The following ICA1L variants were observed in gnomAD, a reference collection of about 807,000 sequenced individuals.
The protein encoded by ICA1L is islet cell autoantigen 1 like, also known as islet cell autoantigen 1-like protein.
In ICA1L, 50 loss-of-function variants were observed where a neutral mutation model predicts 61.3. The ratio of observed to expected loss-of-function variants is 0.82; its 90% CI spans 0.65 to 1.03. ICA1L has a LOEUF of 1.03. ICA1L is among the 50% of genes least tolerant of loss of function. The pLI, the probability that ICA1L is intolerant of heterozygous loss-of-function variation, is 0.00. For synonymous variants in ICA1L, 161 were observed against 191.3 expected (o/e 0.84, Z 1.31); for missense variants, 508 against 556.7 (o/e 0.91, Z 0.88).
chr2:202,868,003 C>G (rs1199735693), intron 1 of ICA1L, among the ~76,000 whole-genome samples: 1 of 152,070 alleles, frequency 6.6e-6, no homozygotes, highest in Admixed American at 6.6e-5. Flanking sequence ...CACTCAGCAA[C>G]AGAAAAACTA....
chr2:202,789,102 T>TGC lies in ICA1L; in HGVS notation c.986-16_986-15insGC. ...ATCTTTTGCAACTATTGAGTGTAAA[T>TGC]AAAAACAGAAAGGCTTTTTTGATTT... On this transcript the variant is annotated splice_polypyrimidine_tract_variant and intron_variant, in intron 10 of 12. Transcript: ENST00000358299. The TGC allele has an allele frequency of 6.3e-7, 1 of 1,584,566 alleles. No individual in the cohort carries two copies. The highest frequency in any genetic ancestry group is 8.5e-7 in the Non-Finnish European group (1 of 1,169,780).
chr2:202,857,655 C>T (rs1045527056), intron 1 of ICA1L, among the ~76,000 whole-genome samples: 5 of 152,086 alleles, frequency 3.3e-5, no homozygotes, highest in Admixed American at 1.3e-4. Context: ...AGCTTCTGCA[C>T]AGCAAAAGAA....
intron 12 of ICA1L, among the ~76,000 whole-genome samples, chr2:202,780,011 T>C (rs1008916593): frequency 6.6e-6 from 1 of 152,082 alleles, no homozygotes; most frequent in Admixed American, 6.6e-5. Flanking sequence ...TTTAAATAAT[T>C]GTATGCTGCT....
chr2:202,803,104 T>A (rs1693127455), intron 9 of ICA1L, among the ~76,000 whole-genome samples: 1 of 151,768 alleles, frequency 6.6e-6, no homozygotes, highest in African/African-American at 2.4e-5. Flanking sequence ...GAGATGTATC[T>A]CAGTTATAAG....
intron 10 of ICA1L, among the ~76,000 whole-genome samples, chr2:202,792,724 T>G (rs1166451148): frequency 1.3e-5 from 2 of 152,008 alleles, no homozygotes; most frequent in African/African-American, 4.8e-5. Context: ...GAGAATCACT[T>G]GAACCCAGAA....
chr2:202,836,853 A>AT (rs989128748), intron 1 of ICA1L, among the ~76,000 whole-genome samples: 1 of 150,966 alleles, frequency 6.6e-6, no homozygotes. Flanking sequence ...AGATATAGAT[A>AT]TTTTTTTAGA....
At chr2:202,781,639 C>T (rs1692409802) in intron 12 of ICA1L, among the ~76,000 whole-genome samples, 2 of 151,942 alleles carry the variant, frequency 1.3e-5, no homozygotes, top group Non-Finnish European at 2.9e-5. Context: ...GACACCCTTC[C>T]AGTCACTATT....
intron 1 of ICA1L, among the ~76,000 whole-genome samples, chr2:202,857,373 G>C (rs1694795065): frequency 6.6e-6 from 1 of 152,108 alleles, no homozygotes; most frequent in Non-Finnish European, 1.5e-5. Context: ...CAAGCAATGG[G>C]GAAAGGAGTC....
chr2:202,871,270 C>G (rs1341802769), intron 1 of ICA1L: 1 of 152,222 alleles, frequency 6.6e-6, no homozygotes, highest in Non-Finnish European at 1.5e-5. Flanking sequence ...CAAACGAGCC[C>G]CAGGCTGCCG....
rs1453403738 is a variant in ICA1L, at chr2:202,815,942, C to A, written c.752G>T (p.Gly251Val). The change falls in exon 7 of 13, where the codon GGC (glycine) becomes GTC (valine). Residue 251 changes from glycine (G) to valine (V), a missense_variant. Coordinates refer to ENST00000358299, the MANE Select transcript of ICA1L (RefSeq NM_001288622.3). ...AGCTACAAAATCATACGGATGAAAG[C>A]CAATACAGGCTTCATGAATTTGGGA... The part of the protein sequence containing the change: ...MMSQIHEACI[G>V]FHPYDFVALK... The A allele has an allele frequency of 6.2e-7, 1 of 1,601,112 alleles. No homozygotes were observed. Among genetic ancestry groups the A allele is most frequent in the South Asian group, 1.1e-5 (1 of 88,882 alleles).
intron 1 of ICA1L, among the ~76,000 whole-genome samples, chr2:202,853,769 A>T (rs979927466): frequency 3.3e-5 from 5 of 152,186 alleles, no homozygotes; most frequent in African/African-American, 1.2e-4. Flanking sequence ...TTTTCAACCC[A>T]GAATTTCATA....
At position 202,786,875 on chromosome 2, in the gene ICA1L, C is replaced by G. The variant is rs1376497996; in HGVS notation, c.1244-868G>C. The G allele has an allele frequency of 1.1e-5, 4 of 368,420 alleles. No homozygotes were observed. The Admixed American group carries it at 1.4e-4, about 13-fold the overall frequency. 22.8% of individuals were successfully genotyped at this position (368,420 alleles called of 1,614,324 possible). A position where few individuals can be genotyped will look rare whatever the true frequency, so the allele number is the denominator to read the frequency against. On this transcript the variant is annotated intron_variant, in intron 11 of 12. Coordinates refer to ENST00000358299, the MANE Select transcript of ICA1L (RefSeq NM_001288622.3). ...TAATTAAAATGTCATTATGAATACT[C>G]TATGGGAATGTGGAGAAATGTTTGC...
chr2:202,814,096 A>C (rs1490423273), intron 8 of ICA1L, among the ~76,000 whole-genome samples: 1 of 152,166 alleles, frequency 6.6e-6, no homozygotes, highest in Non-Finnish European at 1.5e-5. Flanking sequence ...ATTAAGGAAA[A>C]AATGGAAAAA....
intron 2 of ICA1L, 26 bp from the exon 3 acceptor site, chr2:202,825,793 A>C (rs765969871): frequency 2.1e-5 from 30 of 1,420,040 alleles, no homozygotes; most frequent in Non-Finnish European, 2.9e-5. Context: ...TTATTAGGAC[A>C]ATTTAAAGAA....
intron 10 of ICA1L, 27 bp from the exon 11 acceptor site, chr2:202,789,114 G>C: frequency 6.4e-7 from 1 of 1,570,100 alleles, no homozygotes; most frequent in South Asian, 1.2e-5. Flanking sequence ...AAAACAGAAA[G>C]GCTTTTTTGA....
At chr2:202,828,809 T>C in intron 2 of ICA1L, 39 bp downstream of exon 2, 1 of 1,559,764 alleles carries the variant, frequency 6.4e-7, no homozygotes, top group Non-Finnish European at 8.8e-7. Context: ...CCCCAAATAA[T>C]GGCTGGTTAT....
intron 12 of ICA1L, among the ~76,000 whole-genome samples, chr2:202,784,915 T>C (rs1261871813): frequency 2.6e-5 from 4 of 152,064 alleles, no homozygotes; most frequent in African/African-American, 2.4e-5. Flanking sequence ...TACCAAACTG[T>C]ACTCTTAAAA....
At chr2:202,865,469 GA>G (rs75429547) in intron 1 of ICA1L, among the ~76,000 whole-genome samples, 13,314 of 130,742 alleles carry the variant, frequency 0.1, 694 homozygotes, top group Non-Finnish European at 0.14. Flanking sequence ...ACTCCATCCC[GA>G]AAAAAAAAAA....
chr2:202,792,981 C>T (rs928900392), intron 10 of ICA1L, among the ~76,000 whole-genome samples: 26 of 152,020 alleles, frequency 1.7e-4, no homozygotes, highest in African/African-American at 5.6e-4. Flanking sequence ...TAATTACCTA[C>T]GGCTTGGAGT....
Sources: allele counts gnomAD v4.1 joint callset (sites outside exome capture counted in the v4.1 genomes callset), GRCh38; gene constraint gnomAD v4.1.1; transcripts MANE v1.5; gene names NCBI Gene and HGNC (gene_info 2026-07-23, HGNC 2026-07-21).